The following TMEM108 variants were observed in gnomAD, a reference collection of about 807,000 sequenced individuals.
The protein encoded by TMEM108 is cancer/testis antigen 124.
In TMEM108, 12 loss-of-function variants were observed where a neutral mutation model predicts 35.1. The ratio of observed to expected loss-of-function variants is 0.34; its 90% CI spans 0.22 to 0.55. The LOEUF is 0.55. Among genes scored for constraint, TMEM108 ranks in the 20% least tolerant of loss-of-function variants. TMEM108 has a pLI of 0.89. For missense variants in TMEM108, 680 were observed against 753.3 expected (o/e 0.90, Z 1.14); for synonymous variants, 287 against 308.6 (o/e 0.93, Z 0.73).
At chr3:133,316,307 C>T (rs1335853642) in intron 3 of TMEM108, among the ~76,000 whole-genome samples, 1 of 152,142 alleles carries the variant, frequency 6.6e-6, no homozygotes, top group African/African-American at 2.4e-5. Flanking sequence ...GTATAGATAT[C>T]CTCCATATTA....
chr3:133,362,114 G>A (rs375448750), intron 3 of TMEM108, among the ~76,000 whole-genome samples: 3 of 152,184 alleles, frequency 2.0e-5, no homozygotes. Flanking sequence ...CCTTCCTGCT[G>A]TGGGGAGATG....
intron 3 of TMEM108, among the ~76,000 whole-genome samples, chr3:133,277,218 TAA>T (rs1408660789): frequency 1.3e-5 from 2 of 152,204 alleles, no homozygotes; most frequent in Non-Finnish European, 2.9e-5. Flanking sequence ...TTGTAATTGT[TAA>T]AGTTTCTGAT....
chr3:133,176,667 A>G (rs1482693618), intron 2 of TMEM108, among the ~76,000 whole-genome samples: 1 of 152,086 alleles, frequency 6.6e-6, no homozygotes, highest in East Asian at 1.9e-4. Context: ...CATTCAAAGC[A>G]GTGTGTAGAG....
chr3:133,306,265 G>T (rs2071035539), intron 3 of TMEM108, among the ~76,000 whole-genome samples: 2 of 152,100 alleles, frequency 1.3e-5, no homozygotes, highest in Admixed American at 1.3e-4. Flanking sequence ...ACCATATTGT[G>T]TTAATTTTGG....
chr3:133,108,436 C>G (rs1252635144), intron 2 of TMEM108, among the ~76,000 whole-genome samples: 1 of 152,030 alleles, frequency 6.6e-6, no homozygotes, highest in Non-Finnish European at 1.5e-5. Flanking sequence ...AGTGTCTGTT[C>G]ATATCATTTG....
At chr3:133,390,682 C>G (rs2073222018) in intron 5 of TMEM108, among the ~76,000 whole-genome samples, 1 of 152,162 alleles carries the variant, frequency 6.6e-6, no homozygotes, top group Non-Finnish European at 1.5e-5. Flanking sequence ...GGCTCAGGTT[C>G]TGAGATGTGG....
chr3:133,121,283 T>C (rs1944349425), intron 2 of TMEM108, among the ~76,000 whole-genome samples: 1 of 152,202 alleles, frequency 6.6e-6, no homozygotes. Context: ...AGTGTTATAA[T>C]AGAACATGTT....
At position 133,328,326 on chromosome 3, in the gene TMEM108, G is replaced by T. The variant is rs563563531; in HGVS notation, c.41-51426G>T. On this transcript the variant is annotated intron_variant, in intron 3 of 5. Coordinates refer to ENST00000321871, the MANE Select transcript of TMEM108 (RefSeq NM_023943.4). ...TCCGATCACAAGAAAATGAGGTATCGTTGGAAAAAAACTCTAAGCCTGTCA... is the reference window on the plus strand; with the variant it reads ...TCCGATCACAAGAAAATGAGGTATCTTTGGAAAAAAACTCTAAGCCTGTCA... Among the ~76,000 whole-genome samples the T allele has an allele frequency of 5.3e-5, 8 of 152,292 alleles. No individual in the cohort carries two copies. The East Asian group carries it at 1.5e-3, about 29-fold the overall frequency.
chr3:133,187,564 A>G (rs1965220), intron 2 of TMEM108, among the ~76,000 whole-genome samples: 28,289 of 152,206 alleles, frequency 0.19, 3,461 homozygotes, highest in East Asian at 0.38. Context: ...AGCCTGGCCA[A>G]CATAGTAAAA....
intron 3 of TMEM108, among the ~76,000 whole-genome samples, chr3:133,327,441 C>A (rs1040938299): frequency 6.6e-6 from 1 of 152,184 alleles, no homozygotes; most frequent in Non-Finnish European, 1.5e-5. Context: ...CCAGGCTGCC[C>A]TCAGGTCCCA....
intron 3 of TMEM108, among the ~76,000 whole-genome samples, chr3:133,236,121 A>T (rs1337764505): frequency 1.3e-5 from 2 of 152,164 alleles, no homozygotes; most frequent in African/African-American, 4.8e-5. Context: ...ACTTAGAATT[A>T]AGCAGTGATT....
chr3:133,184,793 G>C (rs1157700258), intron 2 of TMEM108, among the ~76,000 whole-genome samples: 1 of 152,164 alleles, frequency 6.6e-6, no homozygotes, highest in Non-Finnish European at 1.5e-5. Flanking sequence ...CAGTGTTCTG[G>C]GGAGAATCAG....
rs900471022 is a variant in TMEM108 at position 133,346,315 on chromosome 3, GTTTTGTTTTTGT to G, written c.41-33421_41-33410del. On this transcript the variant is annotated intron_variant, in intron 3 of 5. Transcript: ENST00000321871. This position sits in a 1 kb window ranked among gnomAD's most constrained non-coding sequence, Gnocchi z 4.0. ...ACCAGCATTTGGTATTATCAGTTTT[GTTTTGTTTTTGT>G]TTTTGTTTTTGTTTTGGATTTTAGC... Among the ~76,000 whole-genome samples, 6 of 151,760 alleles carry G rather than the reference GTTTTGTTTTTGT, an allele frequency of 4.0e-5. No homozygotes were observed. Among genetic ancestry groups the G allele is most frequent in the Non-Finnish European group, 5.9e-5 (4 of 67,800 alleles).
chr3:133,361,276 G>T (rs762627571), intron 3 of TMEM108, among the ~76,000 whole-genome samples: 9 of 152,214 alleles, frequency 5.9e-5, no homozygotes, highest in Non-Finnish European at 8.8e-5. Context: ...CAAAGAGCCT[G>T]CACTAAGAGC....
chr3:133,352,068 C>T (rs1460233905), intron 3 of TMEM108, among the ~76,000 whole-genome samples: 6 of 152,184 alleles, frequency 3.9e-5, no homozygotes, highest in Non-Finnish European at 4.4e-5. Flanking sequence ...TTTAAGATTA[C>T]ACCTTGGGTA....
At chr3:133,291,983 CA>C (rs1345865793) in intron 3 of TMEM108, among the ~76,000 whole-genome samples, 1 of 152,160 alleles carries the variant, frequency 6.6e-6, no homozygotes, top group African/African-American at 2.4e-5. Context: ...ACCCTGACTG[CA>C]CATCTGAATA....
At chr3:133,323,371 C>A (rs1576455623) in intron 3 of TMEM108, among the ~76,000 whole-genome samples, 1 of 152,244 alleles carries the variant, frequency 6.6e-6, no homozygotes, top group East Asian at 1.9e-4. Flanking sequence ...AGTAGCACTG[C>A]TATACACCAA....
At chr3:133,378,481 A>C in intron 3 of TMEM108, 1 of 985,506 alleles carries the variant, frequency 1.0e-6, no homozygotes, top group Non-Finnish European at 1.2e-6. Context: ...CCATAGTCAG[A>C]GGAGCCTAGC....
chr3:133,080,282 G>T (rs975171413), intron 2 of TMEM108, among the ~76,000 whole-genome samples: 14 of 152,038 alleles, frequency 9.2e-5, no homozygotes, highest in African/African-American at 2.9e-4. Context: ...GGTATAAATA[G>T]GAATAAGGAA....
Sources: allele counts gnomAD v4.1 joint callset (sites outside exome capture counted in the v4.1 genomes callset), GRCh38; gene constraint gnomAD v4.1.1; non-coding constraint Gnocchi (gnomAD v3.1); transcripts MANE v1.5; gene names NCBI Gene and HGNC (gene_info 2026-07-23, HGNC 2026-07-21).